Variants in FBH1 observed in about 807,000 individuals in gnomAD.
The protein encoded by FBH1 is DNA 3'-5' helicase 1.
FBH1 carries 43 observed loss-of-function variants against 115.5 expected under a neutral mutation model. The ratio of observed to expected loss-of-function variants is 0.37; its 90% confidence interval spans 0.29 to 0.48. FBH1 has a LOEUF of 0.48. Among genes scored for constraint, FBH1 ranks in the 20% least tolerant of loss-of-function variants. The pLI is 0.99. For missense variants in FBH1, 1,001 were observed against 1,337.3 expected, an observed-to-expected ratio of 0.75 and a Z score of 3.92; for synonymous variants, 524 against 507.8, an observed-to-expected ratio of 1.03 and a Z score of -0.43.
At chr10:5,903,289 T>A in intron 2 of FBH1, 114 bp downstream of exon 2, 1 of 725,484 alleles carries the variant, frequency 1.4e-6, no homozygotes, top group Non-Finnish European at 2.0e-6. Context: ...GTAGTCTTCA[T>A]GCAATAGCTT....
chr10:5,905,912 A>G, intron 2 of FBH1, 125 bp from the exon 3 acceptor site: 1 of 653,342 alleles, frequency 1.5e-6, no homozygotes, highest in Non-Finnish European at 2.7e-6. Flanking sequence ...TGGCCCATAA[A>G]TGTGTTTTTA....
At chr10:5,912,234 C>T (rs576526504) in intron 6 of FBH1, among the ~76,000 whole-genome samples, 3 of 151,830 alleles carry the variant, frequency 2.0e-5, no homozygotes, top group Admixed American at 6.6e-5. Context: ...TCTGGTGGTG[C>T]GTGTCTCTAA....
At chr10:5,934,065 G>A (rs1048487139) in intron 19 of FBH1, among the ~76,000 whole-genome samples, 7 of 152,202 alleles carry the variant, frequency 4.6e-5, no homozygotes, top group African/African-American at 1.7e-4. Flanking sequence ...TGAAGATCCC[G>A]AGTTGGGCAG....
chr10:5,912,760 T>C (rs1375638196), intron 6 of FBH1, among the ~76,000 whole-genome samples: 8 of 152,236 alleles, frequency 5.3e-5, no homozygotes, highest in Non-Finnish European at 1.2e-4. Context: ...GCCCTGCCCT[T>C]GTACTCTCAC....
Position 5,925,905 on chromosome 10 carries a change from A to C in FBH1, c.2722+413A>C, listed in dbSNP as rs944697355. On this transcript the variant is annotated intron_variant, in intron 18 of 20. Coordinates refer to ENST00000362091, the MANE Select transcript of FBH1 (RefSeq NM_178150.3). The surrounding 1 kb of genome is among the most constrained non-coding windows in gnomAD (Gnocchi z 4.6). ...TATTAAAGAGAGAAGAAAACCACAA[A>C]AGGAGAAATAGTAAGCATTCTTTAT... Among the ~76,000 whole-genome samples, 9 of 152,148 alleles carry C rather than the reference A, an allele frequency of 5.9e-5. No individual in the cohort carries two copies. The highest frequency in any genetic ancestry group is 2.2e-4 in the African/African-American group (9 of 41,436).
rs564012832 is a variant in FBH1 at position 5,924,726 on chromosome 10, C to T, written c.2596+218C>T. 31 of 602,664 alleles carry T rather than the reference C, an allele frequency of 5.1e-5. No individual in the cohort carries two copies. The highest frequency in any genetic ancestry group is 8.6e-4 in the Middle Eastern group (2 of 2,332). 37.3% of individuals were successfully genotyped at this position (602,664 alleles called of 1,614,324 possible). ...GGGACTACAGGCCCCACCACCAGCC[C>T]GGCTAGTTTGTGTATTTTTTGTAGA... On this transcript the variant is annotated intron_variant, in intron 17 of 20. Coordinates refer to ENST00000362091, the MANE Select transcript of FBH1 (RefSeq NM_178150.3). This position sits in a 1 kb window ranked among gnomAD's most constrained non-coding sequence, Gnocchi z 6.2.
At chr10:5,907,291 G>A (rs1405269948) in intron 3 of FBH1, among the ~76,000 whole-genome samples, 7 of 152,036 alleles carry the variant, frequency 4.6e-5, no homozygotes, top group Non-Finnish European at 8.8e-5. Context: ...GTTTGTTTGA[G>A]TGTAAGCATT....
chr10:5,895,236 T>C lies in FBH1; in HGVS notation c.1+4890T>C. Reference sequence around the variant, plus strand: ...CCAGGGCGGTTAGCTGACTCCAAAATTGTCCAGATTAGCAAAACTGCCCTC... The same window carrying C: ...CCAGGGCGGTTAGCTGACTCCAAAACTGTCCAGATTAGCAAAACTGCCCTC... On this transcript the variant is annotated intron_variant, in intron 1 of 20. Transcript: ENST00000362091. The surrounding 1 kb of genome is among the most constrained non-coding windows in gnomAD (Gnocchi z 5.0). The C allele has an allele frequency of 6.4e-7, 1 of 1,572,802 alleles. No individual in the cohort carries two copies. Among genetic ancestry groups the C allele is most frequent in the Admixed American group, 1.8e-5 (1 of 55,300 alleles).
In FBH1 at chr10:5,931,535, A is replaced by G. The variant is rs1272304158; in HGVS notation, c.2829+3994A>G. Among the ~76,000 whole-genome samples the G allele has an allele frequency of 6.6e-6, 1 of 152,184 alleles. No homozygotes were observed. Among genetic ancestry groups the G allele is most frequent in the African/African-American group, 2.4e-5 (1 of 41,434 alleles). On this transcript the variant is annotated intron_variant, in intron 19 of 20. Coordinates refer to ENST00000362091, the MANE Select transcript of FBH1 (RefSeq NM_178150.3). The surrounding 1 kb of genome is among the most constrained non-coding windows in gnomAD (Gnocchi z 4.3). ...CTCATACACTGAAATCTTGGTTCCTAATAGTATTTATTACTTATTGATACT... is the reference window on the plus strand; with the variant it reads ...CTCATACACTGAAATCTTGGTTCCTGATAGTATTTATTACTTATTGATACT...
Position 5,918,542 on chromosome 10 carries a change from T to G in FBH1, c.2100+64T>G. ...TCCCAATGTCTTACGTGCCAGGCCC[T>G]GTGAAAGGTGGTATGCCAGGCTCAC... On this transcript the variant is annotated intron_variant, in intron 13 of 20. Transcript: ENST00000362091. The surrounding 1 kb of genome is among the most constrained non-coding windows in gnomAD (Gnocchi z 4.0). 1 of 1,472,726 alleles carries G rather than the reference T, an allele frequency of 6.8e-7. No individual in the cohort carries two copies. The highest frequency in any genetic ancestry group is 9.0e-7 in the Non-Finnish European group (1 of 1,115,066). 91.2% of individuals were successfully genotyped at this position (1,472,726 alleles called of 1,614,324 possible). A position where few individuals can be genotyped will look rare whatever the true frequency, so the allele number is the denominator to read the frequency against.
In FBH1 at chr10:5,921,660, A is replaced by T. The variant is rs185829004; in HGVS notation, c.2322+91A>T. 8,905 of 1,532,224 alleles carry T rather than the reference A, an allele frequency of 5.8e-3. 49 individuals are homozygous for T. The highest frequency in any genetic ancestry group is 6.0e-3 in the Non-Finnish European group (6,876 of 1,143,972). 94.9% of individuals were successfully genotyped at this position (1,532,224 alleles called of 1,614,324 possible). ...AATGTTCACCTTCCTTGGGATTATC[A>T]TGCAAGAAAGCATTTGGGTTTTTGA... On this transcript the variant is annotated intron_variant, in intron 15 of 20. Transcript: ENST00000362091. This position sits in a 1 kb window ranked among gnomAD's most constrained non-coding sequence, Gnocchi z 6.4.
Position 5,903,281 on chromosome 10 carries a change from A to G in FBH1, c.157+106A>G, listed in dbSNP as rs576982833. ...GTAAATGTTGCTGCTGTGAGTTTGT[A>G]GTCTTCATGCAATAGCTTGACACTT... On this transcript the variant is annotated intron_variant, in intron 2 of 20. Transcript: ENST00000362091. 3 of 860,268 alleles carry G rather than the reference A, an allele frequency of 3.5e-6. No homozygotes were observed. In the South Asian group the frequency reaches 8.2e-5, roughly 24 times the overall value. The allele number at this position is 860,268 out of a possible 1,614,324, so 53.3% of individuals were successfully genotyped here.
chr10:5,890,980 A>G (rs78431864), intron 1 of FBH1: 5,830 of 169,646 alleles, frequency 0.034, 180 homozygotes, highest in East Asian at 0.14. Flanking sequence ...CCTATTTGCC[A>G]GGCCTAAAAA....
Position 5,937,511 on chromosome 10 carries a change from T to G in FBH1, c.*231T>G. ...CTGGTCAGGGAAGTGGGGGATGTTCTTTTGATAAAAAAAAAAAAAAAAATT... is the reference window on the plus strand; with the variant it reads ...CTGGTCAGGGAAGTGGGGGATGTTCGTTTGATAAAAAAAAAAAAAAAAATT... On this transcript the variant is annotated 3_prime_UTR_variant, in exon 21 of 21. Transcript: ENST00000362091. 1 of 293,108 alleles carries G rather than the reference T, an allele frequency of 3.4e-6. No homozygotes were observed. The highest frequency in any genetic ancestry group is 4.0e-5 in the African/African-American group (1 of 24,712). The allele number at this position is 293,108 out of a possible 1,614,324, so 18.2% of individuals were successfully genotyped here.
rs1300705320 is a variant in FBH1 at position 5,937,113 on chromosome 10, A to T, written c.2965A>T (p.Asn989Tyr). ...TCTCTCTTGTCCATCACCACAGAGC[A>T]ACAGGAAGGAAAACAAGGGGGGCTA... ...TMKKLPITYS[N>Y]RKENKGGYLC... Residue 989 changes from asparagine to tyrosine, a missense_variant, in exon 21 of 21, where the codon AAC (asparagine) becomes TAC (tyrosine). Physicochemically the swap from Asn to Tyr is moderately radical, Grantham distance 143. Around this residue, in one of 4 missense-constraint regions of FBH1, gnomAD observed 521 missense variants for 811.0 expected, o/e 0.64. Transcript: ENST00000362091. 1 of 1,602,686 alleles carries T rather than the reference A, an allele frequency of 6.2e-7. No individual in the cohort carries two copies. Among genetic ancestry groups the T allele is most frequent in the East Asian group, 2.2e-5 (1 of 44,646 alleles).
intron 1 of FBH1, among the ~76,000 whole-genome samples, chr10:5,899,155 T>G (rs1467819344): frequency 6.6e-6 from 1 of 152,182 alleles, no homozygotes; most frequent in Non-Finnish European, 1.5e-5. Context: ...CTGAGCCTGA[T>G]TTTCTCACTG....
In FBH1 at chr10:5,911,108, G is replaced by A; in HGVS notation, c.1191G>A (p.Lys397=). Residue 397 remains lysine (K), a synonymous_variant, in exon 6 of 21, where the codon AAG becomes AAA. Transcript: ENST00000362091. This position sits in a 1 kb window ranked among gnomAD's most constrained non-coding sequence, Gnocchi z 5.4. The part of the protein sequence containing the change: ...IAVLLYAMRE[K]GINISNRIHY... ...TGCTTCTCTACGCCATGAGGGAGAA[G>A]GGGATTAACATCAGCAATAGGTAAT... 19 of 1,612,946 alleles carry A rather than the reference G, an allele frequency of 1.2e-5. No individual in the cohort carries two copies. Among genetic ancestry groups the A allele is most frequent in the Non-Finnish European group, 1.4e-5 (17 of 1,179,696 alleles).
rs1007360322 is a variant in FBH1 at position 5,914,812 on chromosome 10, C to T, written c.1396+543C>T. On this transcript the variant is annotated intron_variant, in intron 8 of 20. Transcript: ENST00000362091. This position sits in a 1 kb window ranked among gnomAD's most constrained non-coding sequence, Gnocchi z 5.2. ...GCTATTTTTTTTCTGCCTGTAATCC[C>T]TTCCTGCTCCTTTTGTGGCTAAATA... Among the ~76,000 whole-genome samples, 3 of 152,194 alleles carry T rather than the reference C, an allele frequency of 2.0e-5. No homozygotes were observed. Among genetic ancestry groups the T allele is most frequent in the African/African-American group, 7.2e-5 (3 of 41,442 alleles).
At chr10:5,903,799 T>C (rs1365886848) in intron 2 of FBH1, among the ~76,000 whole-genome samples, 1 of 152,228 alleles carries the variant, frequency 6.6e-6, no homozygotes, top group Non-Finnish European at 1.5e-5. Context: ...TTCATTCATC[T>C]TCTCTGTCCA....
Sources: allele counts gnomAD v4.1 joint callset (sites outside exome capture counted in the v4.1 genomes callset), GRCh38; gene constraint gnomAD v4.1.1; regional missense constraint gnomAD v4.1.1; non-coding constraint Gnocchi (gnomAD v3.1); transcripts MANE v1.5; gene names NCBI Gene and HGNC (gene_info 2026-07-23, HGNC 2026-07-21).